ZNF668: variants seen among roughly 807,000 people sequenced by gnomAD.
ZNF668 encodes zinc finger protein 668.
Under a neutral mutation model 40.3 loss-of-function variants are expected in ZNF668, and 10 were observed. That is an observed-to-expected ratio of 0.25 (90% CI 0.15 to 0.42). The LOEUF is 0.42. ZNF668 is among the 10% of genes least tolerant of loss of function. The probability of loss-of-function intolerance (pLI) is 1.00; values close to 1 mark genes in which losing one functional copy is unlikely to be tolerated. For synonymous variants in ZNF668, 428 were observed against 384.6 expected, an observed-to-expected ratio of 1.11 and a Z score of -1.32; for missense variants, 749 against 904.6, an observed-to-expected ratio of 0.83 and a Z score of 2.21.
At position 31,062,211 on chromosome 16, in the gene ZNF668, G is replaced by A; in HGVS notation, c.717C>T (p.Leu239=). ...CGKSFSRSSS[L]TCHQRIHAAQ... ...CCGCGTGGATGCGCTGGTGGCACGT[G>A]AGCGAGGATGAGCGGGAGAAGCTCT... The change falls in exon 3 of 3, where the codon CTC becomes CTT. Residue 239 remains leucine (L), a synonymous_variant. Coordinates refer to ENST00000300849, the MANE Select transcript of ZNF668 (RefSeq NM_024706.5). 6.2e-7 allele frequency: 1 copy of A among 1,613,364 alleles called. No individual in the cohort carries two copies.
At chr16:31,069,268 T>TAC (rs55722354) in intron 1 of ZNF668, 12,029 of 141,612 alleles carry the variant, frequency 0.085, 624 homozygotes, top group African/African-American at 0.16. Flanking sequence ...CTACTAAAAA[T>TAC]ACACACACAC....
chr16:31,063,067 C>T (rs2056947822), intron 2 of ZNF668, among the ~76,000 whole-genome samples: 1 of 152,092 alleles, frequency 6.6e-6, no homozygotes, highest in Non-Finnish European at 1.5e-5. Context: ...GCACTCTAGC[C>T]TGGGCAACAA....
intron 1 of ZNF668, chr16:31,064,716 T>G: frequency 6.5e-7 from 1 of 1,533,854 alleles, no homozygotes; most frequent in Non-Finnish European, 8.7e-7. Flanking sequence ...TCACAAAAGA[T>G]TCACCTACAC....
chr16:31,063,521 C>A (rs2056952137), intron 2 of ZNF668, among the ~76,000 whole-genome samples: 1 of 152,082 alleles, frequency 6.6e-6, no homozygotes, highest in Non-Finnish European at 1.5e-5. Flanking sequence ...CTGGTCTCCA[C>A]AAAAGACCCT....
In ZNF668 at chr16:31,061,294, G is replaced by A; in HGVS notation, c.1634C>T (p.Pro545Leu). Residue 545 changes from proline to leucine, a missense_variant, in exon 3 of 3, where the codon CCC becomes CTC. By Grantham distance (98) the Pro-to-Leu change is moderately conservative. This residue lies in a region of ZNF668 where 310 missense variants were observed against 355.1 expected (regional missense o/e 0.87). Transcript: ENST00000300849. This position sits in a 1 kb window ranked among gnomAD's most constrained non-coding sequence, Gnocchi z 7.7. ...GAAGCTCTTGCCGCACTGGGTGCAGGGGAAGGGCCGGAGCTCCGGGTGTGA... is the reference window on the plus strand; with the variant it reads ...GAAGCTCTTGCCGCACTGGGTGCAGAGGAAGGGCCGGAGCTCCGGGTGTGA... ...ERSHPELRPF[P>L]CTQCGKSFSD... is the part of the protein sequence containing the mutation. 5.7e-6 allele frequency: 9 copies of A among 1,570,738 alleles called. No homozygotes were observed. The highest frequency in any genetic ancestry group is 7.8e-6 in the Non-Finnish European group (9 of 1,157,524).
Position 31,061,824 on chromosome 16 carries a change from C to G in ZNF668, c.1104G>C (p.Glu368Asp). 1 of 1,612,764 alleles carries G rather than the reference C, an allele frequency of 6.2e-7. No homozygotes were observed. The highest frequency in any genetic ancestry group is 8.5e-7 in the Non-Finnish European group (1 of 1,179,778). ...CACGCTCGGCGAAGGCTCGCCCGCA[C>G]TCCTCACAGCGGAAGGGCCGCTGGC... The part of the protein sequence containing the change: ...HSGQRPFRCE[E>D]CGRAFAERAS... The change falls in exon 3 of 3, where the codon GAG becomes GAC. Residue 368 changes from glutamate to aspartate, a missense_variant. Transcript: ENST00000300849. The surrounding 1 kb of genome is among the most constrained non-coding windows in gnomAD (Gnocchi z 7.7).
Position 31,061,743 on chromosome 16 carries a change from G to C in ZNF668, c.1185C>G (p.Asn395Lys). ...ACACCACAAAGGATTTCCCACATGCGTTACAGTGGAAGGGGCGCTCCCCCG... is the reference window on the plus strand; with the variant it reads ...ACACCACAAAGGATTTCCCACATGCCTTACAGTGGAAGGGGCGCTCCCCCG... The part of the protein sequence containing the change: ...VHSGERPFHC[N>K]ACGKSFVVSS... Residue 395 changes from asparagine to lysine, a missense_variant, in exon 3 of 3, where the codon AAC (asparagine) becomes AAG (lysine). Physicochemically the swap from Asn to Lys is moderately conservative, Grantham distance 94. This residue lies in a region of ZNF668 where 310 missense variants were observed against 355.1 expected (regional missense o/e 0.87). Coordinates refer to ENST00000300849, the MANE Select transcript of ZNF668 (RefSeq NM_024706.5). This position sits in a 1 kb window ranked among gnomAD's most constrained non-coding sequence, Gnocchi z 7.7. 1 of 1,613,556 alleles carries C rather than the reference G, an allele frequency of 6.2e-7. No homozygotes were observed. The highest frequency in any genetic ancestry group is 8.5e-7 in the Non-Finnish European group (1 of 1,179,916).
At chr16:31,068,239 A>AAAAAAAATATATATATATATAT (rs1473353128) in intron 1 of ZNF668, among the ~76,000 whole-genome samples, 1 of 83,006 alleles carries the variant, frequency 1.2e-5, no homozygotes, top group African/African-American at 5.0e-5. Context: ...AAAAAAAAAA[A>AAAAAAAATATATATATATATAT]ATATATATAT....
Position 31,061,694 on chromosome 16 carries a change from G to T in ZNF668, c.1234C>A (p.Arg412=). 1 of 1,613,582 alleles carries T rather than the reference G, an allele frequency of 6.2e-7. No homozygotes were observed. The highest frequency in any genetic ancestry group is 1.7e-5 in the Admixed American group (1 of 60,028). ...VVSSSLRKHE[R]THRSSEAAGV... ...GCGGCCTCACTGCTTCGATGGGTCC[G>T]CTCGTGCTTCCTCAGGCTCGACGAC... Residue 412 remains arginine, a synonymous_variant, in exon 3 of 3, where the codon CGG becomes AGG. Transcript: ENST00000300849. The surrounding 1 kb of genome is among the most constrained non-coding windows in gnomAD (Gnocchi z 7.7).
chr16:31,066,400 C>T (rs2056982041), intron 1 of ZNF668: 1 of 984,444 alleles, frequency 1.0e-6, no homozygotes, highest in Non-Finnish European at 1.2e-6. Context: ...CCCACTAAAT[C>T]CTAGGGCTTA....
chr16:31,064,605 C>T (rs2056967968), intron 1 of ZNF668, 124 bp from the exon 2 acceptor site: 3 of 1,542,484 alleles, frequency 1.9e-6, no homozygotes, highest in African/African-American at 1.4e-5. Context: ...GCCCAGCATT[C>T]CTGGCTCTGA....
Position 31,064,427 on chromosome 16 carries a change from TG to T in ZNF668, c.32del (p.Pro11GlnfsTer46). MEVEAAEARS[P>X]APGYKRSGRR... ...GGCCCGAGCGCTTGTAGCCGGGGGC[TG>T]GGGACCGGGCCTCTGCAGCCTCCAC... On this transcript the variant is annotated frameshift_variant, in exon 2 of 3. Transcript: ENST00000300849. LOFTEE classifies it high-confidence loss of function. 6.2e-7 allele frequency: 1 copy of T among 1,612,362 alleles called. No individual in the cohort carries two copies.
At chr16:31,072,597 A>T (rs1051782343) in intron 1 of ZNF668, 1 of 152,274 alleles carries the variant, frequency 6.6e-6, no homozygotes, top group African/African-American at 2.4e-5. Flanking sequence ...AGGCACCTCA[A>T]TCTTCCCATC....
intron 1 of ZNF668, among the ~76,000 whole-genome samples, chr16:31,066,519 T>G (rs935998995): frequency 6.6e-6 from 1 of 152,138 alleles, no homozygotes; most frequent in African/African-American, 2.4e-5. Context: ...ATCGTACCAC[T>G]GCGCTCCAGC....
chr16:31,062,763 CAAAAAAAAAAA>C (rs58786460), intron 2 of ZNF668: 1 of 63,072 alleles, frequency 1.6e-5, no homozygotes, highest in Non-Finnish European at 2.7e-5. Context: ...GACTCCGTCT[CAAAAAAAAAAA>C]AAAAAAAAGA....
Position 31,061,371 on chromosome 16 carries a change from T to C in ZNF668, c.1557A>G (p.Arg519=). 1 of 1,613,516 alleles carries C rather than the reference T, an allele frequency of 6.2e-7. No individual in the cohort carries two copies. Among genetic ancestry groups the C allele is most frequent in the South Asian group, 1.1e-5 (1 of 91,046 alleles). Residue 519 remains arginine, a synonymous_variant, in exon 3 of 3, where the codon CGA becomes CGG. Transcript: ENST00000300849. This position sits in a 1 kb window ranked among gnomAD's most constrained non-coding sequence, Gnocchi z 7.7. ...TTGTGGAGAAGGTCTCCTTGCACTC[T>C]CGGCACACAAACTGGGGGGGCTTCT... ...ADEKPPQFVC[R]ECKETFSTMT...
At position 31,064,037 on chromosome 16, in the gene ZNF668, G is replaced by A; in HGVS notation, c.423C>T (p.Arg141=). 6.2e-7 allele frequency: 1 copy of A among 1,605,240 alleles called. No homozygotes were observed. The highest frequency in any genetic ancestry group is 1.1e-5 in the South Asian group (1 of 90,808). The change falls in exon 2 of 3, where the codon CGC becomes CGT. Residue 141 remains arginine (R), a synonymous_variant. Coordinates refer to ENST00000300849, the MANE Select transcript of ZNF668 (RefSeq NM_024706.5). ...LASHAGELPF[R]CAHCPKAYGA... ...CATAGGCCTTCGGGCAGTGCGCACA[G>A]CGGAAGGGCAGTTCGCCAGCGTGCG...
chr16:31,064,043 G>C lies in ZNF668; in HGVS notation c.417C>G (p.Pro139=). ...VHLASHAGEL[P]FRCAHCPKAY... is the part of the protein sequence containing the mutation. ...CCTTCGGGCAGTGCGCACAGCGGAA[G>C]GGCAGTTCGCCAGCGTGCGAGGCCA... Residue 139 remains proline, a synonymous_variant, in exon 2 of 3, where the codon CCC becomes CCG. Transcript: ENST00000300849. The C allele has an allele frequency of 6.2e-7, 1 of 1,605,086 alleles. No individual in the cohort carries two copies. The highest frequency in any genetic ancestry group is 8.5e-7 in the Non-Finnish European group (1 of 1,174,446).
chr16:31,063,875 G>C lies in ZNF668; in HGVS notation c.585C>G (p.Pro195=), dbSNP rs1206464416. 1.9e-6 allele frequency: 3 copies of C among 1,595,322 alleles called. No individual in the cohort carries two copies. Among genetic ancestry groups the C allele is most frequent in the African/African-American group, 2.7e-5 (2 of 74,566 alleles). ...KHRRTHAGLR[P]YSCERCGKAY... is the part of the protein sequence containing the mutation. ...CTTTGCCGCAACGCTCACAGCTGTA[G>C]GGCCGCAGGCCAGCGTGAGTACGCC... is the stretch of plus-strand genomic sequence containing the variant. The change falls in exon 2 of 3, where the codon CCC becomes CCG. Residue 195 remains proline, a synonymous_variant. Transcript: ENST00000300849.
Sources: gnomAD v4.1 joint callset for allele counts (sites outside exome capture counted in the v4.1 genomes callset) on GRCh38, gnomAD v4.1.1 for gene constraint, gnomAD v4.1.1 regional missense constraint, Gnocchi (gnomAD v3.1) non-coding constraint, MANE v1.5 for transcripts, NCBI Gene and HGNC (gene_info 2026-07-23, HGNC 2026-07-21) for gene names.